Variants in APBB2 observed in about 807,000 individuals in gnomAD.
APBB2 encodes the protein amyloid beta precursor protein binding family B member 2, also known as Fe65-like 1.
APBB2 carries 38 observed loss-of-function variants against 82.5 expected under a neutral mutation model. The observed-to-expected ratio is 0.46, with a 90% confidence interval of 0.36 to 0.60. APBB2 has a LOEUF of 0.60. Among genes scored for constraint, APBB2 ranks in the 20% least tolerant of loss-of-function variants. APBB2 has a pLI of 0.00. For missense variants in APBB2, 772 were observed against 972.3 expected (o/e 0.79, Z 2.74); for synonymous variants, 341 against 368.2 (o/e 0.93, Z 0.85).
At chr4:41,049,499 G>T (rs13142213) in intron 4 of APBB2, among the ~76,000 whole-genome samples, 1 of 120,538 alleles carries the variant, frequency 8.3e-6, no homozygotes, top group Non-Finnish European at 1.7e-5. Flanking sequence ...GCCCCGTCCG[G>T]GAGGGAGGTG....
At chr4:41,213,200 C>T (rs143202825) in intron 1 of APBB2, among the ~76,000 whole-genome samples, 15 of 152,100 alleles carry the variant, frequency 9.9e-5, no homozygotes, top group Admixed American at 9.8e-4. Context: ...AAACCCATGC[C>T]AACCTCACAA....
In APBB2 at chr4:40,878,926, C is replaced by A. The variant is rs574021160; in HGVS notation, c.1529+11438G>T. 1.1e-4 allele frequency among the ~76,000 whole-genome samples: 16 copies of A among 152,160 alleles called. No homozygotes were observed. The South Asian group carries it at 1.5e-3, about 14-fold the overall frequency. ...TGATTCTGTTCCCAAGAGCTTTTTACTCTTGGAAATTGGGTTCTTGCTTGA... is the reference window on the plus strand; with the variant it reads ...TGATTCTGTTCCCAAGAGCTTTTTAATCTTGGAAATTGGGTTCTTGCTTGA... On this transcript the variant is annotated intron_variant, in intron 12 of 17. Transcript: ENST00000508593.
At chr4:40,958,481 G>A (rs1792252521) in intron 6 of APBB2, among the ~76,000 whole-genome samples, 1 of 152,076 alleles carries the variant, frequency 6.6e-6, no homozygotes, top group Non-Finnish European at 1.5e-5. Flanking sequence ...GAAGTACTGG[G>A]AAAAAAACTG....
intron 12 of APBB2, among the ~76,000 whole-genome samples, chr4:40,875,975 A>AAT (rs1766797990): frequency 6.6e-6 from 1 of 152,220 alleles, no homozygotes; most frequent in Non-Finnish European, 1.5e-5. Context: ...TCTAGGCAGC[A>AAT]GTACATGTGT....
chr4:41,094,172 A>G (rs976716091), intron 3 of APBB2, among the ~76,000 whole-genome samples: 3 of 152,232 alleles, frequency 2.0e-5, no homozygotes, highest in African/African-American at 7.2e-5. Flanking sequence ...GGGGCTCCAC[A>G]TGAGTTTAGA....
At chr4:41,129,951 G>A (rs1297387525) in intron 2 of APBB2, among the ~76,000 whole-genome samples, 1 of 152,130 alleles carries the variant, frequency 6.6e-6, no homozygotes, top group Non-Finnish European at 1.5e-5. Flanking sequence ...ATTTGGGGAG[G>A]AGTGACAGGA....
chr4:40,877,281 G>A (rs1767174523), intron 12 of APBB2, among the ~76,000 whole-genome samples: 1 of 152,236 alleles, frequency 6.6e-6, no homozygotes, highest in Non-Finnish European at 1.5e-5. Flanking sequence ...AGGTGGCCTA[G>A]CCTAGGTTAG....
rs1372164671 is a variant in APBB2 at position 40,907,371 on chromosome 4, ATATATATATTTTTTTTTT to A, written c.1255-13978_1255-13961del. 4.6e-3 allele frequency among the ~76,000 whole-genome samples: 198 copies of A among 43,086 alleles called. 1 individual carries two copies. The highest frequency in any genetic ancestry group is 0.013 in the East Asian group (22 of 1,724). The allele number at this position is 43,086 out of a possible 152,430, so 28.3% of individuals were successfully genotyped here. ...TACATATATATATATATATATATATATATATATATTTTTTTTTTTTTTTTTTTTTAGACAGAGTCTCAC... is the reference window on the plus strand; with the variant it reads ...TACATATATATATATATATATATATATTTTTTTTTTTAGACAGAGTCTCAC... On this transcript the variant is annotated intron_variant, in intron 10 of 17. Coordinates refer to ENST00000508593, the MANE Select transcript of APBB2 (RefSeq NM_004307.2).
intron 1 of APBB2, among the ~76,000 whole-genome samples, chr4:41,164,775 G>A (rs1018586677): frequency 1.3e-5 from 2 of 152,176 alleles, no homozygotes; most frequent in Non-Finnish European, 2.9e-5. Context: ...AATTCCAGTT[G>A]TTCTAAGAGC....
rs553994592 is a variant in APBB2 at position 41,049,932 on chromosome 4, G to T, written c.-51+15644C>A. Among the ~76,000 whole-genome samples the T allele has an allele frequency of 4.6e-5, 7 of 152,148 alleles. No individual in the cohort carries two copies. In the East Asian group the frequency reaches 1.4e-3, roughly 29 times the overall value. On this transcript the variant is annotated intron_variant, in intron 4 of 17. Transcript: ENST00000508593. The stretch of plus-strand genomic sequence containing the variant: ...TGCTTGAAGGCAGCATGCTCGTTAA[G>T]AGTCATCACCACTCCCTAATCTCAA...
At chr4:41,154,059 C>T (rs1762904915) in intron 1 of APBB2, among the ~76,000 whole-genome samples, 1 of 152,154 alleles carries the variant, frequency 6.6e-6, no homozygotes, top group Admixed American at 6.5e-5. Flanking sequence ...TTATATACTT[C>T]ACCACCCTTG....
chr4:40,952,322 C>T (rs968901323), intron 6 of APBB2, among the ~76,000 whole-genome samples: 8 of 152,116 alleles, frequency 5.3e-5, no homozygotes, highest in African/African-American at 1.9e-4. Context: ...TTCTACCCCA[C>T]CTGCCTTGCT....
At chr4:41,099,403 G>A (rs1221887806) in intron 3 of APBB2, among the ~76,000 whole-genome samples, 1 of 152,056 alleles carries the variant, frequency 6.6e-6, no homozygotes, top group Non-Finnish European at 1.5e-5. Context: ...TAATTTTTTT[G>A]TATTTTTAGC....
intron 2 of APBB2, among the ~76,000 whole-genome samples, chr4:41,108,662 C>T (rs1384816452): frequency 6.6e-6 from 1 of 152,174 alleles, no homozygotes; most frequent in African/African-American, 2.4e-5. Flanking sequence ...AAACACCCTG[C>T]CCAGGGAGGG....
intron 10 of APBB2, among the ~76,000 whole-genome samples, chr4:40,899,228 G>A (rs934964194): frequency 3.3e-5 from 5 of 152,182 alleles, no homozygotes; most frequent in African/African-American, 1.2e-4. Flanking sequence ...CTAAATTCGA[G>A]TTTGCTGCTG....
chr4:40,813,010 A>G lies in APBB2; in HGVS notation c.*3082T>C, dbSNP rs1004701159. The stretch of plus-strand genomic sequence containing the variant: ...AGTCTGCAAAGGAAAGTTTTTAGCC[A>G]TAGGCATGTTGGCTAGTCGTTCCCC... On this transcript the variant is annotated 3_prime_UTR_variant, in exon 18 of 18. Transcript: ENST00000508593. 3.9e-5 allele frequency: 6 copies of G among 152,260 alleles called. No individual in the cohort carries two copies. The highest frequency in any genetic ancestry group is 8.8e-5 in the Non-Finnish European group (6 of 68,038). The allele number at this position is 152,260 out of a possible 1,614,324, so 9.4% of individuals were successfully genotyped here.
chr4:40,841,887 C>T (rs1405567246), intron 12 of APBB2, among the ~76,000 whole-genome samples: 4 of 152,116 alleles, frequency 2.6e-5, no homozygotes, highest in Non-Finnish European at 5.9e-5. Context: ...GCCATGTTGG[C>T]CAGGCTGGTC....
At chr4:41,077,599 C>G (rs1273178466) in intron 3 of APBB2, among the ~76,000 whole-genome samples, 1 of 151,974 alleles carries the variant, frequency 6.6e-6, no homozygotes, top group Non-Finnish European at 1.5e-5. Context: ...CTCTAAACTC[C>G]CAGGGAAAGT....
intron 6 of APBB2, among the ~76,000 whole-genome samples, chr4:40,956,375 C>T (rs1791655869): frequency 6.6e-6 from 1 of 152,172 alleles, no homozygotes; most frequent in African/African-American, 2.4e-5. Context: ...GAAACACTGA[C>T]TATGGTAAGA....
Sources: gnomAD v4.1 joint callset for allele counts (sites outside exome capture counted in the v4.1 genomes callset) on GRCh38, gnomAD v4.1.1 for gene constraint, MANE v1.5 for transcripts, NCBI Gene and HGNC (gene_info 2026-07-23, HGNC 2026-07-21) for gene names.